GARIN5A: variants seen among roughly 807,000 people sequenced by gnomAD.
GARIN5A encodes golgi associated RAB2 interactor 5A, also known as Golgi-associated RAB2 interactor protein 5A.
the GARIN5A span, among the ~76,000 whole-genome samples, chr19:50,472,122 A>ACGTGTGTATATGCATG: frequency 7.5e-6 from 1 of 133,414 alleles, no homozygotes; most frequent in East Asian, 2.2e-4. Context: ...GTATATGTAT[A>ACGTGTGTATATGCATG]TATACGTGTG....
At chr19:50,473,050 A>G in the GARIN5A span, among the ~76,000 whole-genome samples, 5 of 152,206 alleles carry the variant, frequency 3.3e-5, no homozygotes, top group South Asian at 2.1e-4. Context: ...GGTATAGTGT[A>G]GAAGAGAAAA....
chr19:50,470,863 C>T, the GARIN5A span, among the ~76,000 whole-genome samples: 32 of 151,930 alleles, frequency 2.1e-4, no homozygotes, highest in East Asian at 4.5e-3. Flanking sequence ...ACTATGTTGG[C>T]CAGGTTGGTC....
At chr19:50,469,373 C>T in the GARIN5A span, among the ~76,000 whole-genome samples, 2 of 152,194 alleles carry the variant, frequency 1.3e-5, no homozygotes, top group African/African-American at 4.8e-5. Flanking sequence ...GTTGAGACTT[C>T]CCCGTAGTCC....
At chr19:50,469,795 T>C in the GARIN5A span, among the ~76,000 whole-genome samples, 1 of 152,090 alleles carries the variant, frequency 6.6e-6, no homozygotes, top group Admixed American at 6.6e-5. Context: ...ACAGACACCC[T>C]CACACCTGTG....
the GARIN5A span, among the ~76,000 whole-genome samples, chr19:50,473,059 A>C: frequency 6.6e-6 from 1 of 152,256 alleles, no homozygotes; most frequent in East Asian, 1.9e-4. Flanking sequence ...TAGAAGAGAA[A>C]ATATCTCAGG....
chr19:50,467,884 C>T, the GARIN5A span: 1 of 1,560,248 alleles, frequency 6.4e-7, no homozygotes, highest in Non-Finnish European at 8.7e-7. Flanking sequence ...TCCTCCAGCA[C>T]CGTCGGGGTC....
At chr19:50,475,863 G>A in the GARIN5A span, 1 of 1,613,834 alleles carries the variant, frequency 6.2e-7, no homozygotes, top group Non-Finnish European at 8.5e-7. Context: ...AGATGGGGAA[G>A]TCCCGAAACT....
the GARIN5A span, among the ~76,000 whole-genome samples, chr19:50,471,826 ACGCATACATATC>A: frequency 6.9e-6 from 1 of 143,888 alleles, no homozygotes; most frequent in East Asian, 2.0e-4. Flanking sequence ...CTGTGTGTAT[ACGCATACATATC>A]TGTGTGCATA....
the GARIN5A span, chr19:50,475,182 G>T: frequency 7.9e-7 from 1 of 1,267,750 alleles, no homozygotes; most frequent in Non-Finnish European, 1.1e-6. Context: ...TTGTTCTCCC[G>T]GGTAGATGGC....
At chr19:50,474,486 C>T in the GARIN5A span, among the ~76,000 whole-genome samples, 625 of 152,174 alleles carry the variant, frequency 4.1e-3, 2 homozygotes, top group Non-Finnish European at 6.2e-3. Flanking sequence ...GCTGGGACTA[C>T]AGGCGCTCAC....
the GARIN5A span, chr19:50,475,646 G>A: frequency 1.5e-6 from 1 of 684,784 alleles, no homozygotes; most frequent in South Asian, 1.9e-5. Flanking sequence ...CTGAGGCAAG[G>A]GAGTTACAGG....
the GARIN5A span, among the ~76,000 whole-genome samples, chr19:50,468,148 G>A: frequency 6.6e-6 from 1 of 152,016 alleles, no homozygotes; most frequent in African/African-American, 2.4e-5. Flanking sequence ...ATCACCTGAG[G>A]TCAGGAGTTC....
chr19:50,470,884 G>A, the GARIN5A span, among the ~76,000 whole-genome samples: 1 of 151,934 alleles, frequency 6.6e-6, no homozygotes, highest in Non-Finnish European at 1.5e-5. Flanking sequence ...TCAAACTCCT[G>A]ACCTCGTGAT....
the GARIN5A span, among the ~76,000 whole-genome samples, chr19:50,471,816 C>A: frequency 5.5e-4 from 79 of 142,592 alleles, no homozygotes; most frequent in Non-Finnish European, 1.0e-3. Flanking sequence ...GCATACATAC[C>A]TGTGTGTATA....
chr19:50,476,120 C>G, the GARIN5A span: 1 of 1,612,886 alleles, frequency 6.2e-7, no homozygotes, highest in Non-Finnish European at 8.5e-7. Flanking sequence ...GCCTGGCTCC[C>G]CTCTCTCACC....
chr19:50,473,527 AATTTTG>A, the GARIN5A span, among the ~76,000 whole-genome samples: 12 of 151,950 alleles, frequency 7.9e-5, no homozygotes, highest in South Asian at 2.5e-3. Context: ...CTAGCTTTGT[AATTTTG>A]ATTTTTGTAG....
the GARIN5A span, chr19:50,476,420 G>A: frequency 5.2e-6 from 8 of 1,547,160 alleles, no homozygotes; most frequent in Non-Finnish European, 7.0e-6. Flanking sequence ...GTGCGGACGG[G>A]TGCCAGTGCG....
chr19:50,469,023 G>T, the GARIN5A span, among the ~76,000 whole-genome samples: 2 of 152,244 alleles, frequency 1.3e-5, no homozygotes, highest in Admixed American at 1.3e-4. Context: ...CCCCCAGAAG[G>T]CGCAGGTCAA....
chr19:50,467,903 C>A, the GARIN5A span: 1 of 1,289,454 alleles, frequency 7.8e-7, no homozygotes, highest in East Asian at 2.5e-5. Context: ...TCAGGGGTCC[C>A]CACCTTGCCA....
Sources: gnomAD v4.1 joint callset for allele counts (sites outside exome capture counted in the v4.1 genomes callset) on GRCh38, gnomAD v4.1.1 for gene constraint, MANE v1.5 for transcripts, NCBI Gene and HGNC (gene_info 2026-07-23, HGNC 2026-07-21) for gene names.